Variants in TRHDE observed in about 807,000 individuals in gnomAD.
TRHDE encodes thyrotropin-releasing hormone-degrading ectoenzyme.
Under a neutral mutation model 125.7 loss-of-function variants are expected in TRHDE, and 72 were observed. That is an observed-to-expected ratio of 0.57 (90% CI 0.47 to 0.70). The LOEUF is 0.70. TRHDE is among the 30% of genes least tolerant of loss of function. TRHDE has a pLI of 0.00. For synonymous variants in TRHDE, 509 were observed against 509.1 expected, an observed-to-expected ratio of 1.00 and a Z score of 0.00; for missense variants, 1,110 against 1,327.1, an observed-to-expected ratio of 0.84 and a Z score of 2.54.
chr12:72,518,162 T>G (rs1043385617), intron 6 of TRHDE, among the ~76,000 whole-genome samples: 1 of 150,974 alleles, frequency 6.6e-6, no homozygotes, highest in Admixed American at 6.6e-5. Flanking sequence ...CTATTAGGTC[T>G]GCTTGGTGCA....
chr12:72,407,778 G>C (rs930741529), intron 3 of TRHDE, among the ~76,000 whole-genome samples: 21 of 152,196 alleles, frequency 1.4e-4, no homozygotes, highest in African/African-American at 5.1e-4. Flanking sequence ...ACTCTAGGTG[G>C]AAGTGTAGTA....
chr12:72,225,490 G>C (rs938564149), intron 2 of TRHDE, among the ~76,000 whole-genome samples: 9 of 152,126 alleles, frequency 5.9e-5, no homozygotes, highest in Non-Finnish European at 2.9e-5. Context: ...AATAGGAGTA[G>C]GTAATGGGAG....
chr12:72,495,334 T>C (rs1424121684), intron 5 of TRHDE, among the ~76,000 whole-genome samples: 3 of 152,052 alleles, frequency 2.0e-5, no homozygotes, highest in Admixed American at 6.6e-5. Context: ...AAGACACTAC[T>C]TTTATTAAGC....
At position 72,554,722 on chromosome 12, in the gene TRHDE, A is replaced by G. The variant is rs1869839038; in HGVS notation, c.1789-7443A>G. On this transcript the variant is annotated intron_variant, in intron 7 of 18. Transcript: ENST00000261180. ...CAATTCACAAATTTCATTTTTACCA[A>G]TAGATTCACTTTATGTCTCAGTAAT... Among the ~76,000 whole-genome samples, 2 of 152,218 alleles carry G rather than the reference A, an allele frequency of 1.3e-5. 1 individual carries two copies. Among genetic ancestry groups the G allele is most frequent in the South Asian group, 4.1e-4 (2 of 4,832 alleles).
intron 1 of TRHDE, among the ~76,000 whole-genome samples, chr12:72,104,486 C>T (rs1248231907): frequency 6.6e-6 from 1 of 152,126 alleles, no homozygotes; most frequent in African/African-American, 2.4e-5. Context: ...AAGGTGCGTA[C>T]ACAAGAAGGG....
upstream of TRHDE, among the ~76,000 whole-genome samples, chr12:72,269,832 T>TA (rs531522187): frequency 7.6e-3 from 1,154 of 152,266 alleles, 8 homozygotes; most frequent in African/African-American, 0.027. Flanking sequence ...TACACATTTT[T>TA]AAAAAAAGAC....
intron 13 of TRHDE, among the ~76,000 whole-genome samples, chr12:72,620,352 A>G (rs1872998813): frequency 6.6e-6 from 1 of 150,798 alleles, no homozygotes; most frequent in South Asian, 2.1e-4. Context: ...AAAAAAAAAA[A>G]AAAAAAAAAG....
intron 3 of TRHDE, among the ~76,000 whole-genome samples, chr12:72,427,112 A>G (rs1874222276): frequency 6.6e-6 from 1 of 152,122 alleles, no homozygotes; most frequent in African/African-American, 2.4e-5. Flanking sequence ...CTCTGTGGCA[A>G]CTATGCTGTT....
intron 2 of TRHDE, among the ~76,000 whole-genome samples, chr12:72,252,482 C>A (rs1476461340): frequency 6.6e-6 from 1 of 152,066 alleles, no homozygotes; most frequent in African/African-American, 2.4e-5. Flanking sequence ...TGTGTTTTCT[C>A]TTCTGTTCCA....
At chr12:72,577,122 A>G (rs1565796790) in intron 12 of TRHDE, among the ~76,000 whole-genome samples, 2 of 152,302 alleles carry the variant, frequency 1.3e-5, no homozygotes, top group South Asian at 4.2e-4. Context: ...GAGTCCAGCA[A>G]GCCAGAAGGA....
intron 2 of TRHDE, among the ~76,000 whole-genome samples, chr12:72,229,511 C>A (rs1878205808): frequency 6.6e-6 from 1 of 152,108 alleles, no homozygotes; most frequent in Non-Finnish European, 1.5e-5. Flanking sequence ...TATCAATATG[C>A]ATCCAGAGAG....
intron 2 of TRHDE, chr12:72,147,731 AACCTTT>A (rs2139318703): frequency 6.6e-6 from 1 of 152,340 alleles, no homozygotes; most frequent in East Asian, 1.9e-4. Flanking sequence ...TCCATCTCCC[AACCTTT>A]ATACTGATAT....
intron 3 of TRHDE, among the ~76,000 whole-genome samples, chr12:72,467,730 G>A (rs1446155354): frequency 2.6e-5 from 4 of 152,122 alleles, no homozygotes; most frequent in African/African-American, 7.2e-5. Context: ...CAACAGAATC[G>A]CTTGAACCCG....
At chr12:72,614,880 G>T (rs911646086) in intron 12 of TRHDE, among the ~76,000 whole-genome samples, 11 of 152,060 alleles carry the variant, frequency 7.2e-5, no homozygotes, top group Non-Finnish European at 1.3e-4. Flanking sequence ...AGCCAGTTAA[G>T]GTCAGAGCAT....
intron 2 of TRHDE, among the ~76,000 whole-genome samples, chr12:72,201,939 A>C (rs950405442): frequency 1.3e-5 from 2 of 152,210 alleles, no homozygotes; most frequent in African/African-American, 2.4e-5. Context: ...AGAAATAATC[A>C]ACAGTTCATA....
At chr12:72,336,324 C>G (rs1869828224) in intron 2 of TRHDE, among the ~76,000 whole-genome samples, 1 of 152,126 alleles carries the variant, frequency 6.6e-6, no homozygotes, top group African/African-American at 2.4e-5. Context: ...CTCCTAATCC[C>G]AAAAGTTATT....
intron 7 of TRHDE, among the ~76,000 whole-genome samples, chr12:72,550,233 AATTACAGATGCCG>A (rs1205316346): frequency 1.3e-5 from 2 of 151,852 alleles, no homozygotes; most frequent in Non-Finnish European, 2.9e-5. Flanking sequence ...TAATTATGCC[AATTACAGATGCCG>A]ATTACAGATG....
intron 18 of TRHDE, among the ~76,000 whole-genome samples, chr12:72,659,712 C>A (rs1874842369): frequency 2.0e-5 from 3 of 151,960 alleles, no homozygotes. Flanking sequence ...AGATAGGGAG[C>A]ACAAACAACA....
chr12:72,175,517 A>C (rs888293600), intron 2 of TRHDE, among the ~76,000 whole-genome samples: 3 of 152,212 alleles, frequency 2.0e-5, no homozygotes, highest in Non-Finnish European at 2.9e-5. Flanking sequence ...GCTGGTCAGC[A>C]GAGGAAAAAA....
Sources: gnomAD v4.1 joint callset for allele counts (sites outside exome capture counted in the v4.1 genomes callset) on GRCh38, gnomAD v4.1.1 for gene constraint, MANE v1.5 for transcripts, NCBI Gene and HGNC (gene_info 2026-07-23, HGNC 2026-07-21) for gene names.